Variants in SLC26A8 observed in about 807,000 individuals in gnomAD.
The protein encoded by SLC26A8 is solute carrier family 26 member 8.
In SLC26A8, 70 loss-of-function variants were observed where a neutral mutation model predicts 105.0. The observed-to-expected ratio is 0.67, with a 90% confidence interval of 0.55 to 0.81. The LOEUF is 0.81. Ranked by LOEUF, SLC26A8 falls within the 40% of genes least tolerant of loss-of-function variation. The pLI, the probability that SLC26A8 is intolerant of heterozygous loss-of-function variation, is 0.00. For missense variants in SLC26A8, 998 were observed against 1,181.8 expected (o/e 0.84, Z 2.28); for synonymous variants, 415 against 438.3 (o/e 0.95, Z 0.66).
rs918107633 is a variant in SLC26A8 at position 35,981,593 on chromosome 6, A to G, written c.1025+528T>C. On this transcript the variant is annotated intron_variant, in intron 8 of 19. Coordinates refer to ENST00000490799, the MANE Select transcript of SLC26A8 (RefSeq NM_052961.4). This position sits in a 1 kb window ranked among gnomAD's most constrained non-coding sequence, Gnocchi z 4.0. ...CTTGAGCCTGAGAATTCAAGGCTGC[A>G]GTGAGCCATGATTGCGCCACTGCAC... Among the ~76,000 whole-genome samples, 1 of 152,220 alleles carries G rather than the reference A, an allele frequency of 6.6e-6. No individual in the cohort carries two copies. Among genetic ancestry groups the G allele is most frequent in the Non-Finnish European group, 1.5e-5 (1 of 68,040 alleles).
At chr6:35,956,504 C>T (rs1772067203) in intron 16 of SLC26A8, among the ~76,000 whole-genome samples, 1 of 151,756 alleles carries the variant, frequency 6.6e-6, no homozygotes, top group Admixed American at 6.6e-5. Flanking sequence ...AAGGCCCAGA[C>T]TGCCTGCTAT....
chr6:35,962,157 C>T lies in SLC26A8; in HGVS notation c.1461+369G>A, dbSNP rs192043819. 2.5e-3 allele frequency among the ~76,000 whole-genome samples: 368 copies of T among 149,688 alleles called. 2 individuals carry two copies. The highest frequency in any genetic ancestry group is 0.01 in the Middle Eastern group (3 of 292). On this transcript the variant is annotated intron_variant, in intron 12 of 19. Coordinates refer to ENST00000490799, the MANE Select transcript of SLC26A8 (RefSeq NM_052961.4). ...AGGAGAATCACTTGAACCCGGGAGG[C>T]GGAGGTTGCAGTGGGCTGAGATCAC...
intron 10 of SLC26A8, among the ~76,000 whole-genome samples, chr6:35,973,431 AT>A (rs1365946598): frequency 6.6e-6 from 1 of 152,240 alleles, no homozygotes; most frequent in Non-Finnish European, 1.5e-5. Flanking sequence ...ATGTAGTCTT[AT>A]TCTAGACCAA....
intron 16 of SLC26A8, among the ~76,000 whole-genome samples, chr6:35,957,797 G>C (rs901077124): frequency 1.3e-5 from 2 of 151,946 alleles, no homozygotes; most frequent in African/African-American, 4.8e-5. Flanking sequence ...GTAGAGACAG[G>C]GTTTCACCAT....
At chr6:36,016,879 T>C (rs1022057195) in intron 2 of SLC26A8, among the ~76,000 whole-genome samples, 2 of 152,188 alleles carry the variant, frequency 1.3e-5, no homozygotes, top group Admixed American at 6.5e-5. Context: ...GATGAAAATA[T>C]GCATGATCTT....
intron 3 of SLC26A8, among the ~76,000 whole-genome samples, chr6:36,004,809 C>A (rs1300673521): frequency 1.3e-5 from 2 of 150,318 alleles, no homozygotes; most frequent in East Asian, 1.9e-4. Context: ...TGCACCACCA[C>A]ACCTAGTTAA....
chr6:36,021,422 T>C (rs1185082495), intron 1 of SLC26A8, among the ~76,000 whole-genome samples: 1 of 152,204 alleles, frequency 6.6e-6, no homozygotes, highest in African/African-American at 2.4e-5. Flanking sequence ...GTAGTCTCTT[T>C]GTTCCCAGCA....
At chr6:35,987,259 CA>C (rs1773558707) in intron 7 of SLC26A8, among the ~76,000 whole-genome samples, 1 of 152,214 alleles carries the variant, frequency 6.6e-6, no homozygotes, top group Admixed American at 6.5e-5. Flanking sequence ...AGCATTTTAA[CA>C]CATCGAAGTT....
At chr6:35,994,263 C>T (rs1761282561) in intron 5 of SLC26A8, among the ~76,000 whole-genome samples, 1 of 151,544 alleles carries the variant, frequency 6.6e-6, no homozygotes, top group South Asian at 2.1e-4. Context: ...TACAGGCGCC[C>T]GCCACCAAGC....
At chr6:35,989,639 A>C (rs1415437173) in intron 7 of SLC26A8, 1 of 152,226 alleles carries the variant, frequency 6.6e-6, no homozygotes, top group Non-Finnish European at 1.5e-5. Context: ...TCTTGGCAGC[A>C]GTCAAAATGA....
intron 5 of SLC26A8, among the ~76,000 whole-genome samples, chr6:35,994,844 C>T (rs6922972): frequency 0.42 from 63,841 of 151,772 alleles, 13,696 homozygotes; most frequent in South Asian, 0.56. Context: ...CCCAAAGTGC[C>T]GGAATTACAG....
intron 10 of SLC26A8, among the ~76,000 whole-genome samples, chr6:35,973,932 C>T (rs1022049275): frequency 1.3e-5 from 2 of 152,206 alleles, no homozygotes; most frequent in Admixed American, 6.5e-5. Context: ...GTTTCAATTC[C>T]GATAGCTCTC....
At chr6:36,009,040 C>T (rs377187165) in intron 3 of SLC26A8, among the ~76,000 whole-genome samples, 195 of 152,268 alleles carry the variant, frequency 1.3e-3, no homozygotes, top group African/African-American at 4.6e-3. Flanking sequence ...TAAATGAAGA[C>T]TTAACATTTA....
At chr6:35,962,088 T>C (rs935756640) in intron 12 of SLC26A8, among the ~76,000 whole-genome samples, 1 of 152,022 alleles carries the variant, frequency 6.6e-6, no homozygotes, top group African/African-American at 2.4e-5. Flanking sequence ...TAGCCGGGCA[T>C]GGTGGTGGGC....
chr6:36,011,667 GTGTGATCAC>G, intron 3 of SLC26A8, among the ~76,000 whole-genome samples: 1 of 152,216 alleles, frequency 6.6e-6, no homozygotes, highest in East Asian at 1.9e-4. Flanking sequence ...GAGTGCAGTG[GTGTGATCAC>G]TGCTCACTAC....
chr6:35,971,213 G>A (rs912712675), intron 10 of SLC26A8, among the ~76,000 whole-genome samples: 1 of 152,176 alleles, frequency 6.6e-6, no homozygotes, highest in Non-Finnish European at 1.5e-5. Context: ...GTGGCATTGC[G>A]CCTCAGGAAG....
At chr6:35,955,095 G>C (rs1191714902) in intron 17 of SLC26A8, 57 bp downstream of exon 17, 2 of 1,605,900 alleles carry the variant, frequency 1.2e-6, no homozygotes, top group South Asian at 2.2e-5. Context: ...GATCAGGGTG[G>C]GGTTGGGATG....
intron 1 of SLC26A8, among the ~76,000 whole-genome samples, chr6:36,022,079 T>C (rs1762140969): frequency 6.6e-6 from 1 of 152,230 alleles, no homozygotes; most frequent in Admixed American, 6.5e-5. Flanking sequence ...GCGATTCTCC[T>C]GCCTTGCCTC....
At position 35,975,475 on chromosome 6, in the gene SLC26A8, A is replaced by G. The variant is rs1409521940; in HGVS notation, c.1187T>C (p.Ile396Thr). 6.2e-7 allele frequency: 1 copy of G among 1,611,346 alleles called. No homozygotes were observed. The highest frequency in any genetic ancestry group is 1.7e-5 in the Admixed American group (1 of 59,798). ...SVNSNQDLIAIGLCNVVSSFF... is the reference protein window; with the variant it reads ...SVNSNQDLIATGLCNVVSSFF... ...TGAACTGACGACATTGCAAAGGCCG[A>G]TGGCTATTAAATCCTGTAAAGAAAC... is the stretch of plus-strand genomic sequence containing the variant. Residue 396 changes from isoleucine (I) to threonine (T), a missense_variant, in exon 10 of 20, where the codon ATC becomes ACC. Transcript: ENST00000490799.
Sources: gnomAD v4.1 joint callset for allele counts (sites outside exome capture counted in the v4.1 genomes callset) on GRCh38, gnomAD v4.1.1 for gene constraint, Gnocchi (gnomAD v3.1) non-coding constraint, MANE v1.5 for transcripts, NCBI Gene and HGNC (gene_info 2026-07-23, HGNC 2026-07-21) for gene names.